SND1: variants seen among roughly 807,000 people sequenced by gnomAD.
SND1 encodes the protein staphylococcal nuclease and tudor domain containing 1, also known as staphylococcal nuclease domain-containing protein 1.
SND1 carries 38 observed loss-of-function variants against 121.7 expected under a neutral mutation model. The ratio of observed to expected loss-of-function variants is 0.31; its 90% CI spans 0.24 to 0.41. The LOEUF is 0.41. Among genes scored for constraint, SND1 ranks in the 10% least tolerant of loss-of-function variants. The pLI is 1.00. For missense variants in SND1, 868 were observed against 1,184.6 expected, an observed-to-expected ratio of 0.73 and a Z score of 3.92; for synonymous variants, 401 against 447.4, an observed-to-expected ratio of 0.90 and a Z score of 1.31.
At chr7:127,836,277 C>G (rs1297012860) in intron 11 of SND1, among the ~76,000 whole-genome samples, 1 of 152,054 alleles carries the variant, frequency 6.6e-6, no homozygotes, top group Non-Finnish European at 1.5e-5. Context: ...GGTTTATAGG[C>G]ATTATAGATT....
chr7:128,071,618 G>A (rs1793412870), intron 16 of SND1, among the ~76,000 whole-genome samples: 1 of 152,200 alleles, frequency 6.6e-6, no homozygotes, highest in African/African-American at 2.4e-5. Context: ...TTAAACCTCT[G>A]CTTTCAATCT....
chr7:127,688,733 TAAA>T (rs1249911592), intron 2 of SND1, among the ~76,000 whole-genome samples: 1 of 133,924 alleles, frequency 7.5e-6, no homozygotes, highest in Non-Finnish European at 1.6e-5. Context: ...AAAAAAATAA[TAAA>T]AAAAAAAAAG....
chr7:127,862,351 G>GT (rs1738939917), intron 12 of SND1, among the ~76,000 whole-genome samples: 2 of 152,160 alleles, frequency 1.3e-5, no homozygotes, highest in South Asian at 2.1e-4. Flanking sequence ...TCTCTAAGAG[G>GT]TTTTTTGCCC....
At chr7:127,823,824 A>G (rs1254654259) in intron 11 of SND1, among the ~76,000 whole-genome samples, 2 of 152,184 alleles carry the variant, frequency 1.3e-5, no homozygotes, top group African/African-American at 4.8e-5. Context: ...GAATTCAGAT[A>G]TTGATCAAAT....
At chr7:127,827,651 G>A (rs1048588998) in intron 11 of SND1, among the ~76,000 whole-genome samples, 12 of 152,046 alleles carry the variant, frequency 7.9e-5, no homozygotes, top group African/African-American at 2.7e-4. Context: ...TTATCACGAT[G>A]CATATTCACA....
At chr7:127,944,787 A>C (rs993195457) in intron 15 of SND1, among the ~76,000 whole-genome samples, 3 of 152,212 alleles carry the variant, frequency 2.0e-5, no homozygotes, top group African/African-American at 7.2e-5. Flanking sequence ...AGGTCTATTC[A>C]GATAAGGGGT....
intron 12 of SND1, among the ~76,000 whole-genome samples, chr7:127,873,014 C>T (rs1225644804): frequency 2.0e-5 from 3 of 152,100 alleles, no homozygotes; most frequent in Non-Finnish European, 4.4e-5. Context: ...TTGTGAAAAC[C>T]AGAGATTGAT....
chr7:127,789,736 G>T (rs1797876648), intron 10 of SND1, among the ~76,000 whole-genome samples: 1 of 152,172 alleles, frequency 6.6e-6, no homozygotes, highest in Non-Finnish European at 1.5e-5. Flanking sequence ...CATTTGCTGA[G>T]GTAGAATGTG....
intron 16 of SND1, among the ~76,000 whole-genome samples, chr7:128,073,386 C>T (rs945347063): frequency 2.0e-5 from 3 of 152,170 alleles, no homozygotes; most frequent in African/African-American, 7.2e-5. Context: ...GCCTCAAGGA[C>T]GCAGAGGGTA....
intron 16 of SND1, among the ~76,000 whole-genome samples, chr7:128,071,490 A>G (rs1185291601): frequency 6.6e-6 from 1 of 152,262 alleles, no homozygotes; most frequent in Non-Finnish European, 1.5e-5. Context: ...CTTGAGTTGA[A>G]CAAAGAAATA....
At chr7:127,863,933 A>T (rs991875831) in intron 12 of SND1, among the ~76,000 whole-genome samples, 2 of 152,158 alleles carry the variant, frequency 1.3e-5, no homozygotes, top group African/African-American at 4.8e-5. Flanking sequence ...TGGAGATAGG[A>T]ATATACGATA....
intron 10 of SND1, among the ~76,000 whole-genome samples, chr7:127,782,854 G>C (rs980551416): frequency 6.6e-6 from 1 of 152,162 alleles, no homozygotes; most frequent in South Asian, 2.1e-4. Flanking sequence ...TTCAACTGCT[G>C]TATGTGTATT....
At position 127,817,747 on chromosome 7, in the gene SND1, T is replaced by C. The variant is rs13232557; in HGVS notation, c.1242+10174T>C. On this transcript the variant is annotated intron_variant, in intron 11 of 23. Coordinates refer to ENST00000354725, the MANE Select transcript of SND1 (RefSeq NM_014390.4). ...TTTTTTTTTTTTTTTTTTTTTTTTT[T>C]GGTCAGGAATCTTACCTCTGTTCTG... Among the ~76,000 whole-genome samples, 6 of 140,918 alleles carry C rather than the reference T, an allele frequency of 4.3e-5. No homozygotes were observed. The East Asian group carries it at 8.3e-4, about 19-fold the overall frequency. The allele number at this position is 140,918 out of a possible 152,430, so 92.4% of individuals were successfully genotyped here.
At chr7:127,852,592 C>T (rs892692177) in intron 12 of SND1, among the ~76,000 whole-genome samples, 1 of 151,856 alleles carries the variant, frequency 6.6e-6, no homozygotes, top group Non-Finnish European at 1.5e-5. Flanking sequence ...GGCATATCAC[C>T]TGAGGTCAGG....
chr7:127,884,475 T>C (rs1799855487), intron 12 of SND1, among the ~76,000 whole-genome samples: 1 of 152,134 alleles, frequency 6.6e-6, no homozygotes, highest in Admixed American at 6.6e-5. Flanking sequence ...TCCCAGCCAA[T>C]AGCGGAGCGC....
At chr7:127,770,642 A>G (rs1275523649) in intron 10 of SND1, among the ~76,000 whole-genome samples, 1 of 152,148 alleles carries the variant, frequency 6.6e-6, no homozygotes, top group Admixed American at 6.5e-5. Context: ...CAAAGGCTGT[A>G]CTTGTAACCA....
At position 127,694,709 on chromosome 7, in the gene SND1, C is replaced by CGCA. The variant is rs1174543827; in HGVS notation, c.229-117_229-115dup. On this transcript the variant is annotated intron_variant, in intron 2 of 23. Transcript: ENST00000354725. ...TCATTTTTATATTCTCAAGGTCCAGCGCAGGGCCAGGACCATGGTAGGTAC... is the reference window on the plus strand; with the variant it reads ...TCATTTTTATATTCTCAAGGTCCAGCGCAGCAGGGCCAGGACCATGGTAGGTAC... 6.0e-5 allele frequency: 70 copies of CGCA among 1,157,784 alleles called. No homozygotes were observed. In the East Asian group the frequency reaches 1.6e-3, roughly 27 times the overall value. 71.7% of individuals were successfully genotyped at this position (1,157,784 alleles called of 1,614,324 possible). A position where few individuals can be genotyped will look rare whatever the true frequency, so the allele number is the denominator to read the frequency against.
chr7:127,940,277 C>G (rs1395385762), intron 15 of SND1, among the ~76,000 whole-genome samples: 1 of 152,180 alleles, frequency 6.6e-6, no homozygotes. Context: ...CTTCTTGTGG[C>G]TTTCCCAGAG....
chr7:128,041,856 T>C (rs1792860285), intron 16 of SND1, among the ~76,000 whole-genome samples: 1 of 152,208 alleles, frequency 6.6e-6, no homozygotes, highest in African/African-American at 2.4e-5. Context: ...TCTTTCAATG[T>C]TTACCTCACT....
Sources: allele counts gnomAD v4.1 joint callset (sites outside exome capture counted in the v4.1 genomes callset), GRCh38; gene constraint gnomAD v4.1.1; transcripts MANE v1.5; gene names NCBI Gene and HGNC (gene_info 2026-07-23, HGNC 2026-07-21).